The following BPI variants were observed in gnomAD, a reference collection of about 807,000 sequenced individuals.
BPI encodes the protein bactericidal permeability-increasing protein.
A neutral mutation model predicts 57.6 loss-of-function variants in BPI; 48 were observed. The ratio of observed to expected loss-of-function variants is 0.83; its 90% CI spans 0.66 to 1.06. BPI has a LOEUF of 1.06. Ranked by LOEUF, BPI falls within the 50% of genes least tolerant of loss-of-function variation. The probability of loss-of-function intolerance (pLI) is 0.00; values close to 1 mark genes in which losing one functional copy is unlikely to be tolerated. For synonymous variants in BPI, 237 were observed against 238.2 expected (o/e 0.99, Z 0.05); for missense variants, 651 against 609.7 (o/e 1.07, Z -0.71).
chr20:38,305,145 TG>T (rs1419321181), intron 1 of BPI, among the ~76,000 whole-genome samples: 10 of 152,118 alleles, frequency 6.6e-5, no homozygotes, highest in Admixed American at 2.6e-4. Flanking sequence ...CCTCACCAGT[TG>T]GGGTGCGTTG....
rs571249590 is a variant in BPI at position 38,335,729 on chromosome 20, G to A, written c.1413+55G>A. 5.2e-6 allele frequency: 8 copies of A among 1,546,154 alleles called. No individual in the cohort carries two copies. The East Asian group carries it at 1.6e-4, about 30-fold the overall frequency. On this transcript the variant is annotated intron_variant, in intron 14 of 14. Coordinates refer to ENST00000642449, the MANE Select transcript of BPI (RefSeq NM_001725.3). Reference sequence around the variant, plus strand: ...CCCCTAACGATAGTGACCAACAGCAGCCTATGGCTGCAATGCTTCCTGCAT... The same window carrying A: ...CCCCTAACGATAGTGACCAACAGCAACCTATGGCTGCAATGCTTCCTGCAT...
At position 38,304,196 on chromosome 20, in the gene BPI, T is replaced by C; in HGVS notation, c.-28T>C. 6.2e-7 allele frequency: 1 copy of C among 1,614,022 alleles called. No homozygotes were observed. The highest frequency in any genetic ancestry group is 2.2e-5 in the East Asian group (1 of 44,864). Reference sequence around the variant, plus strand: ...GGTTCAACCTCAAGGCCTTGAGGTTTTGGCAGCTCTGGAGGATGAGAGAGA... The same window carrying C: ...GGTTCAACCTCAAGGCCTTGAGGTTCTGGCAGCTCTGGAGGATGAGAGAGA... On this transcript the variant is annotated 5_prime_UTR_variant, in exon 1 of 15. Transcript: ENST00000642449.
intron 5 of BPI, among the ~76,000 whole-genome samples, chr20:38,312,965 T>G (rs1341585037): frequency 1.3e-5 from 2 of 152,110 alleles, no homozygotes; most frequent in Non-Finnish European, 2.9e-5. Context: ...AGCAGGACAT[T>G]CCCCAGCCAA....
Position 38,337,366 on chromosome 20 carries a change from G to T in BPI, c.*182G>T. On this transcript the variant is annotated 3_prime_UTR_variant, in exon 15 of 15. Coordinates refer to ENST00000642449, the MANE Select transcript of BPI (RefSeq NM_001725.3). ...ACATTATTCATTGGAAAAGTGCATG[G>T]TGTGTATTTTAGGGATTATGAGCTT... is the stretch of plus-strand genomic sequence containing the variant. 1 of 533,256 alleles carries T rather than the reference G, an allele frequency of 1.9e-6. No homozygotes were observed. 33.0% of individuals were successfully genotyped at this position (533,256 alleles called of 1,614,324 possible).
intron 12 of BPI, among the ~76,000 whole-genome samples, chr20:38,333,187 G>A (rs1474233621): frequency 6.6e-6 from 1 of 151,942 alleles, no homozygotes; most frequent in African/African-American, 2.4e-5. Flanking sequence ...GGACTTACTG[G>A]TTCCAAGGCT....
At chr20:38,328,728 T>C (rs1044704419) in intron 11 of BPI, among the ~76,000 whole-genome samples, 15 of 151,922 alleles carry the variant, frequency 9.9e-5, no homozygotes, top group African/African-American at 2.7e-4. Flanking sequence ...CCAGGCATGG[T>C]GGCTCACGCC....
At chr20:38,335,459 A>G (rs1042117605) in intron 13 of BPI, 139 bp from the exon 14 acceptor site, 2 of 736,500 alleles carry the variant, frequency 2.7e-6, no homozygotes, top group African/African-American at 3.5e-5. Context: ...CCTTTCAGGC[A>G]TGTATGCCCA....
At chr20:38,312,990 G>A (rs2076628784) in intron 5 of BPI, among the ~76,000 whole-genome samples, 2 of 152,176 alleles carry the variant, frequency 1.3e-5, no homozygotes, top group Non-Finnish European at 2.9e-5. Flanking sequence ...TCAGGGTAGG[G>A]TCTCAGGGAA....
chr20:38,335,711 C>T (rs531451533), intron 14 of BPI, 37 bp downstream of exon 14: 65 of 1,588,994 alleles, frequency 4.1e-5, no homozygotes, highest in Admixed American at 1.7e-4. Context: ...TCTCCCCTAA[C>T]GATAGTGACC....
intron 11 of BPI, among the ~76,000 whole-genome samples, chr20:38,329,955 G>C (rs998083950): frequency 6.6e-6 from 1 of 152,036 alleles, no homozygotes; most frequent in Admixed American, 6.5e-5. Flanking sequence ...CAAGTGATCT[G>C]CCTGCCTCAG....
In BPI at chr20:38,337,261, G is replaced by C. The variant is rs1256827828; in HGVS notation, c.*77G>C. 7.7e-7 allele frequency: 1 copy of C among 1,304,620 alleles called. No homozygotes were observed. The highest frequency in any genetic ancestry group is 1.1e-6 in the Non-Finnish European group (1 of 940,650). 80.8% of individuals were successfully genotyped at this position (1,304,620 alleles called of 1,614,324 possible). On this transcript the variant is annotated 3_prime_UTR_variant, in exon 15 of 15. Coordinates refer to ENST00000642449, the MANE Select transcript of BPI (RefSeq NM_001725.3). ...TGGGGCACCGGCTGCCTTTCCCCAG[G>C]GAATCCTCTCCAGATCTTAACCAAG...
intron 5 of BPI, among the ~76,000 whole-genome samples, chr20:38,313,828 AATGGTGATGGTGATG>A (rs1331081217): frequency 2.3e-5 from 3 of 129,348 alleles, no homozygotes; most frequent in African/African-American, 8.9e-5. Context: ...TGAGGATGAT[AATGGTGATGGTGATG>A]ATGGTGATGG....
At chr20:38,307,972 A>C (rs2076604959) in intron 2 of BPI, among the ~76,000 whole-genome samples, 1 of 152,228 alleles carries the variant, frequency 6.6e-6, no homozygotes, top group Non-Finnish European at 1.5e-5. Flanking sequence ...CTTAAGGCAG[A>C]ATGCATTGGC....
At chr20:38,330,512 C>T (rs2076737128) in intron 11 of BPI, among the ~76,000 whole-genome samples, 1 of 152,160 alleles carries the variant, frequency 6.6e-6, no homozygotes, top group African/African-American at 2.4e-5. Flanking sequence ...AGTATATTGG[C>T]TCAGGTAACT....
Position 38,327,629 on chromosome 20 carries a change from G to A in BPI, c.1203G>A (p.Arg401=), listed in dbSNP as rs376936419. ...GSMEVSAESN[R]LVGELKLDRL... is the part of the protein sequence containing the mutation. The stretch of plus-strand genomic sequence containing the variant: ...TGGAGGTCAGCGCCGAGTCCAACAG[G>A]CTTGTTGGAGAGCTCAAGCTGGATA... Residue 401 remains arginine, a synonymous_variant, in exon 11 of 15, where the codon AGG becomes AGA. Transcript: ENST00000642449. 5 of 1,613,588 alleles carry A rather than the reference G, an allele frequency of 3.1e-6. No individual in the cohort carries two copies. Among genetic ancestry groups the A allele is most frequent in the African/African-American group, 2.7e-5 (2 of 74,914 alleles).
chr20:38,318,046 T>C, intron 5 of BPI: 1 of 984,750 alleles, frequency 1.0e-6, no homozygotes, highest in Non-Finnish European at 1.2e-6. Flanking sequence ...TATTTGTTTA[T>C]TACCTCATTC....
intron 5 of BPI, chr20:38,317,507 C>T (rs2076657848): frequency 6.7e-6 from 4 of 593,788 alleles, no homozygotes; most frequent in African/African-American, 1.9e-5. Context: ...TTGACCCAAG[C>T]CACTTCCATG....
intron 5 of BPI, among the ~76,000 whole-genome samples, chr20:38,314,210 G>GATGATAATA (rs2076638010): frequency 6.9e-6 from 1 of 145,686 alleles, no homozygotes; most frequent in Non-Finnish European, 1.5e-5. Context: ...TGGTGGGGAT[G>GATGATAATA]ATGATGGTGG....
chr20:38,310,787 G>A, intron 4 of BPI, 135 bp downstream of exon 4: 1 of 1,093,772 alleles, frequency 9.1e-7, no homozygotes, highest in Non-Finnish European at 1.3e-6. Flanking sequence ...GCATGGTATG[G>A]GGGCCAGGGG....
Sources: allele counts gnomAD v4.1 joint callset (sites outside exome capture counted in the v4.1 genomes callset), GRCh38; gene constraint gnomAD v4.1.1; transcripts MANE v1.5; gene names NCBI Gene and HGNC (gene_info 2026-07-23, HGNC 2026-07-21).